DPYD: variants seen among roughly 807,000 people sequenced by gnomAD.
DPYD encodes the protein dihydropyrimidine dehydrogenase.
DPYD carries 109 observed loss-of-function variants against 116.2 expected under a neutral mutation model. The ratio of observed to expected loss-of-function variants is 0.94; its 90% CI spans 0.80 to 1.10. The LOEUF is 1.10. Ranked by LOEUF, DPYD falls within the 50% of genes least tolerant of loss-of-function variation. The probability of loss-of-function intolerance (pLI) is 0.00; values close to 1 mark genes in which losing one functional copy is unlikely to be tolerated. For synonymous variants in DPYD, 440 were observed against 432.0 expected, an observed-to-expected ratio of 1.02 and a Z score of -0.23; for missense variants, 1,302 against 1,254.5, an observed-to-expected ratio of 1.04 and a Z score of -0.57.
chr1:97,596,606 T>C (rs1357165172), intron 8 of DPYD, among the ~76,000 whole-genome samples: 2 of 152,188 alleles, frequency 1.3e-5, no homozygotes, highest in East Asian at 1.9e-4. Context: ...GGCAGGAGTT[T>C]ATTTTACAAT....
intron 3 of DPYD, among the ~76,000 whole-genome samples, chr1:97,766,983 G>A (rs1403184057): frequency 1.3e-5 from 2 of 152,098 alleles, no homozygotes; most frequent in Non-Finnish European, 2.9e-5. Flanking sequence ...AATAAACAGG[G>A]AAGTTACTCC....
intron 12 of DPYD, among the ~76,000 whole-genome samples, chr1:97,524,267 T>C (rs1304793636): frequency 1.3e-5 from 2 of 152,134 alleles, no homozygotes; most frequent in Non-Finnish European, 2.9e-5. Flanking sequence ...AATTTTGAAA[T>C]AGAGTTGTCC....
At chr1:97,805,511 T>C (rs1668037555) in intron 3 of DPYD, among the ~76,000 whole-genome samples, 1 of 151,856 alleles carries the variant, frequency 6.6e-6, no homozygotes, top group Admixed American at 6.6e-5. Context: ...ATTCAATCAA[T>C]CCATGACTTT....
At chr1:97,362,416 T>G (rs1670784531) in intron 16 of DPYD, among the ~76,000 whole-genome samples, 1 of 152,176 alleles carries the variant, frequency 6.6e-6, no homozygotes, top group East Asian at 1.9e-4. Context: ...CCCATCAAGC[T>G]ATCAATGACT....
intron 6 of DPYD, among the ~76,000 whole-genome samples, chr1:97,698,840 T>A (rs1341003693): frequency 9.9e-5 from 15 of 151,952 alleles, no homozygotes; most frequent in Admixed American, 6.6e-4. Flanking sequence ...AATAATATGA[T>A]CATGTGATTT....
chr1:97,542,040 C>T (rs1416370938), intron 12 of DPYD, among the ~76,000 whole-genome samples: 1 of 152,112 alleles, frequency 6.6e-6, no homozygotes, highest in Non-Finnish European at 1.5e-5. Flanking sequence ...CTGGAAAACG[C>T]TTTTCTTCAC....
At chr1:97,593,991 G>C (rs889282560) in intron 9 of DPYD, among the ~76,000 whole-genome samples, 1 of 152,064 alleles carries the variant, frequency 6.6e-6, no homozygotes, top group African/African-American at 2.4e-5. Context: ...AAACTGGGCA[G>C]TAAAAGAAAT....
In DPYD at chr1:97,232,790, T is replaced by C. The variant is rs191046803; in HGVS notation, c.2442+2062A>G. ...TCTATTTCTTTGATGAGACTTTCTG[T>C]TGTTTCATTTGTTTCAATCATACTT... On this transcript the variant is annotated intron_variant, in intron 19 of 22. Coordinates refer to ENST00000370192, the MANE Select transcript of DPYD (RefSeq NM_000110.4). Among the ~76,000 whole-genome samples, 240 of 152,288 alleles carry C rather than the reference T, an allele frequency of 1.6e-3. 2 individuals carry two copies. The highest frequency in any genetic ancestry group is 1.6e-3 in the Non-Finnish European group (108 of 68,016).
intron 18 of DPYD, among the ~76,000 whole-genome samples, chr1:97,268,038 G>T (rs535011115): frequency 6.6e-6 from 1 of 152,190 alleles, no homozygotes; most frequent in East Asian, 1.9e-4. Flanking sequence ...AGACATTCCC[G>T]TTCCAAAAGA....
Position 97,579,583 on chromosome 1 carries a change from G to A in DPYD, c.1129-5613C>T, listed in dbSNP as rs574187999. 7.6e-4 allele frequency among the ~76,000 whole-genome samples: 116 copies of A among 152,338 alleles called. 1 individual carries two copies. The highest frequency in any genetic ancestry group is 2.5e-3 in the African/African-American group (103 of 41,566). On this transcript the variant is annotated intron_variant, in intron 10 of 22. Transcript: ENST00000370192. ...CTGTTTAAATTAACCAGCCTTCTGT[G>A]ACAAGTAATTCACACATGTCAGTGT...
At chr1:97,908,349 C>A (rs1335654109) in intron 1 of DPYD, among the ~76,000 whole-genome samples, 3 of 152,098 alleles carry the variant, frequency 2.0e-5, no homozygotes, top group South Asian at 2.1e-4. Flanking sequence ...CCTGGCCTGG[C>A]TGTCCTTTCT....
intron 14 of DPYD, among the ~76,000 whole-genome samples, chr1:97,422,229 C>A (rs1285983663): frequency 6.6e-6 from 1 of 151,932 alleles, no homozygotes; most frequent in African/African-American, 2.4e-5. Context: ...GAATTATTTA[C>A]GTTTTAGAAA....
intron 5 of DPYD, among the ~76,000 whole-genome samples, chr1:97,705,462 C>T (rs1343383215): frequency 6.6e-6 from 1 of 152,038 alleles, no homozygotes; most frequent in African/African-American, 2.4e-5. Flanking sequence ...AGGACATGAA[C>T]TCATCATTTT....
chr1:97,665,392 A>G (rs1448120263), intron 8 of DPYD, among the ~76,000 whole-genome samples: 1 of 152,156 alleles, frequency 6.6e-6, no homozygotes, highest in African/African-American at 2.4e-5. Flanking sequence ...TTCATTATCA[A>G]TCTTTTTTCA....
chr1:97,699,395 A>G lies in DPYD; in HGVS notation c.636T>C (p.Ser212=). 1 of 1,613,738 alleles carries G rather than the reference A, an allele frequency of 6.2e-7. No individual in the cohort carries two copies. Among genetic ancestry groups the G allele is most frequent in the South Asian group, 1.1e-5 (1 of 91,072 alleles). Residue 212 remains serine, a synonymous_variant, in exon 6 of 23, where the codon TCT becomes TCC. Coordinates refer to ENST00000370192, the MANE Select transcript of DPYD (RefSeq NM_000110.4). ...CTTGTTTTTCAAATATAGTGATGTC[A>G]GAGTACCCCAATCGAGCCAAAAAGG... ...CASFLARLGY[S]DITIFEKQEY...
intron 16 of DPYD, chr1:97,323,008 C>T (rs574940126): frequency 1.3e-5 from 2 of 151,736 alleles, no homozygotes; most frequent in Non-Finnish European, 2.9e-5. Context: ...TACTCACTTT[C>T]TCCTTTTTCC....
chr1:97,595,673 A>G (rs561084080), intron 8 of DPYD, among the ~76,000 whole-genome samples: 1 of 152,064 alleles, frequency 6.6e-6, no homozygotes, highest in African/African-American at 2.4e-5. Flanking sequence ...AATATAAATG[A>G]ATTAAAACGA....
chr1:97,635,424 CT>C (rs1657503909), intron 8 of DPYD, among the ~76,000 whole-genome samples: 1 of 152,104 alleles, frequency 6.6e-6, no homozygotes, highest in South Asian at 2.1e-4. Context: ...GAGGAATGTA[CT>C]GCCTACTTCT....
chr1:97,906,851 C>T (rs1284962206), intron 1 of DPYD, among the ~76,000 whole-genome samples: 1 of 152,050 alleles, frequency 6.6e-6, no homozygotes, highest in Non-Finnish European at 1.5e-5. Flanking sequence ...AGTATCTTTC[C>T]TTAAGTAAAG....
Sources: allele counts gnomAD v4.1 joint callset (sites outside exome capture counted in the v4.1 genomes callset), GRCh38; gene constraint gnomAD v4.1.1; transcripts MANE v1.5; gene names NCBI Gene and HGNC (gene_info 2026-07-23, HGNC 2026-07-21).